PCDHGA9: variants seen among roughly 807,000 people sequenced by gnomAD.
PCDHGA9 encodes the protein protocadherin gamma-A9.
A neutral mutation model predicts 62.5 loss-of-function variants in PCDHGA9; 37 were observed. That is an observed-to-expected ratio of 0.59 (90% CI 0.46 to 0.78). The LOEUF (loss-of-function observed/expected upper bound fraction) is 0.78. Among genes scored for constraint, PCDHGA9 ranks in the 30% least tolerant of loss-of-function variants. The pLI is 0.00. For missense variants in PCDHGA9, 1,138 were observed against 1,166.2 expected (o/e 0.98, Z 0.35); for synonymous variants, 459 against 484.6 (o/e 0.95, Z 0.69).
At chr5:141,428,175 G>A (rs766332920) in intron 1 of PCDHGA9, 20 of 1,508,456 alleles carry the variant, frequency 1.3e-5, no homozygotes, top group Non-Finnish European at 1.8e-5. Flanking sequence ...GTGCGTGACG[G>A]AGGACAGCCG....
Position 141,476,374 on chromosome 5 carries a change from G to A in PCDHGA9, c.2425-18433G>A. 1.2e-6 allele frequency: 2 copies of A among 1,614,178 alleles called. No individual in the cohort carries two copies. Among genetic ancestry groups the A allele is most frequent in the Non-Finnish European group, 1.7e-6 (2 of 1,180,044 alleles). On this transcript the variant is annotated intron_variant, in intron 1 of 3. Transcript: ENST00000573521. This position sits in a 1 kb window ranked among gnomAD's most constrained non-coding sequence, Gnocchi z 7.6. ...AGGTGAACCGGGAGACCGGAGAGATGTTTGTGAACGACCGTCTGGATCGAG... is the reference window on the plus strand; with the variant it reads ...AGGTGAACCGGGAGACCGGAGAGATATTTGTGAACGACCGTCTGGATCGAG...
Position 141,427,654 on chromosome 5 carries a change from TCCACGTGGC to T in PCDHGA9, c.2424+22280_2424+22288del, listed in dbSNP as rs562748605. On this transcript the variant is annotated intron_variant, in intron 1 of 3. Coordinates refer to ENST00000573521, the MANE Select transcript of PCDHGA9 (RefSeq NM_018921.3). ...GTTTTCCACCAAGTCTCCTACGTGG[TCCACGTGGC>T]CGAAAACAACCTTCCCGGAGCCTCC... 2.0e-4 allele frequency: 148 copies of T among 727,622 alleles called. No individual in the cohort carries two copies. The African/African-American group carries it at 2.4e-3, about 12-fold the overall frequency. The allele number at this position is 727,622 out of a possible 1,614,324, so 45.1% of individuals were successfully genotyped here.
In PCDHGA9 at chr5:141,493,664, G is replaced by A. The variant is rs2099749444; in HGVS notation, c.2425-1143G>A. Reference sequence around the variant, plus strand: ...TGGCCATCCCTGTGCCCTTCTCCATGGCAGCCCCAGAATGGTGCTGGTGAC... The same window carrying A: ...TGGCCATCCCTGTGCCCTTCTCCATAGCAGCCCCAGAATGGTGCTGGTGAC... On this transcript the variant is annotated intron_variant, in intron 1 of 3. Coordinates refer to ENST00000573521, the MANE Select transcript of PCDHGA9 (RefSeq NM_018921.3). This position sits in a 1 kb window ranked among gnomAD's most constrained non-coding sequence, Gnocchi z 4.3. Among the ~76,000 whole-genome samples, 1 of 152,136 alleles carries A rather than the reference G, an allele frequency of 6.6e-6. No homozygotes were observed. Among genetic ancestry groups the A allele is most frequent in the Non-Finnish European group, 1.5e-5 (1 of 68,026 alleles).
At chr5:141,498,011 G>A (rs995865984) in intron 2 of PCDHGA9, among the ~76,000 whole-genome samples, 2 of 152,204 alleles carry the variant, frequency 1.3e-5, no homozygotes, top group Non-Finnish European at 2.9e-5. Flanking sequence ...ACAGTGCACT[G>A]AAGGAGACAA....
intron 1 of PCDHGA9, chr5:141,419,345 C>T (rs111954647): frequency 6.2e-6 from 10 of 1,613,858 alleles, no homozygotes; most frequent in African/African-American, 2.7e-5. Flanking sequence ...TGCCAGCGAC[C>T]TGGAGTCACG....
chr5:141,475,008 T>C (rs1292437400), intron 1 of PCDHGA9, among the ~76,000 whole-genome samples: 1 of 152,258 alleles, frequency 6.6e-6, no homozygotes, highest in Admixed American at 6.5e-5. Flanking sequence ...TGCAGAAAAG[T>C]TAAGGCTCTT....
At position 141,402,854 on chromosome 5, in the gene PCDHGA9, C is replaced by A; in HGVS notation, c.-99C>A. ...TGCAGCAAAACTCAGCCTCTTTCTT[C>A]TAAGGAAAAGATCACCATACTTTGC... is the stretch of plus-strand genomic sequence containing the variant. On this transcript the variant is annotated 5_prime_UTR_variant, in exon 1 of 4. Transcript: ENST00000573521. 2 of 1,423,530 alleles carry A rather than the reference C, an allele frequency of 1.4e-6. No homozygotes were observed. The highest frequency in any genetic ancestry group is 1.8e-6 in the Non-Finnish European group (2 of 1,085,128). The allele number at this position is 1,423,530 out of a possible 1,614,324, so 88.2% of individuals were successfully genotyped here. A position where few individuals can be genotyped will look rare whatever the true frequency, so the allele number is the denominator to read the frequency against.
At chr5:141,426,879 G>C (rs1222564201) in intron 1 of PCDHGA9, 3 of 456,710 alleles carry the variant, frequency 6.6e-6, no homozygotes, top group Non-Finnish European at 1.3e-5. Context: ...GAAGCCCCTG[G>C]GCCAGGAGCA....
intron 1 of PCDHGA9, chr5:141,410,107 G>A: frequency 3.1e-6 from 5 of 1,612,702 alleles, no homozygotes; most frequent in Non-Finnish European, 4.2e-6. Flanking sequence ...TAGGCGACAG[G>A]GACGCAGCCC....
At chr5:141,423,926 T>C (rs925790302) in intron 1 of PCDHGA9, 2 of 1,245,276 alleles carry the variant, frequency 1.6e-6, no homozygotes, top group Non-Finnish European at 2.0e-6. Flanking sequence ...CTATGCTGGT[T>C]TGGTTTGAAG....
At chr5:141,449,407 G>A (rs1367837385) in intron 1 of PCDHGA9, among the ~76,000 whole-genome samples, 2 of 151,754 alleles carry the variant, frequency 1.3e-5, no homozygotes, top group Non-Finnish European at 2.9e-5. Flanking sequence ...AGGAGTTCAA[G>A]ACCAGCCTGG....
At position 141,493,904 on chromosome 5, in the gene PCDHGA9, G is replaced by A. The variant is rs1204744465; in HGVS notation, c.2425-903G>A. Among the ~76,000 whole-genome samples, 1 of 152,216 alleles carries A rather than the reference G, an allele frequency of 6.6e-6. No individual in the cohort carries two copies. Among genetic ancestry groups the A allele is most frequent in the Non-Finnish European group, 1.5e-5 (1 of 68,028 alleles). On this transcript the variant is annotated intron_variant, in intron 1 of 3. Transcript: ENST00000573521. The surrounding 1 kb of genome is among the most constrained non-coding windows in gnomAD (Gnocchi z 4.3). ...GGCTCTAGGAGTGCTCCATGAGAGT[G>A]TGTGATGGGATAACACACCCCCTGG...
rs760017836 is a variant in PCDHGA9, at chr5:141,432,060, C to G, written c.2424+26684C>G. 1.2e-6 allele frequency: 2 copies of G among 1,614,200 alleles called. No homozygotes were observed. The highest frequency in any genetic ancestry group is 1.7e-6 in the Non-Finnish European group (2 of 1,180,048). ...GACCGGGGAACCCCGCCCCTATCCACGGAAACTCATATCTCGCTGAACGTG... is the reference window on the plus strand; with the variant it reads ...GACCGGGGAACCCCGCCCCTATCCAGGGAAACTCATATCTCGCTGAACGTG... On this transcript the variant is annotated intron_variant, in intron 1 of 3. Coordinates refer to ENST00000573521, the MANE Select transcript of PCDHGA9 (RefSeq NM_018921.3). The surrounding 1 kb of genome is among the most constrained non-coding windows in gnomAD (Gnocchi z 6.0).
intron 1 of PCDHGA9, among the ~76,000 whole-genome samples, chr5:141,430,388 A>G (rs2097280501): frequency 6.6e-6 from 1 of 152,106 alleles, no homozygotes; most frequent in Non-Finnish European, 1.5e-5. Flanking sequence ...ATTGGGAAAA[A>G]AAAAAAAAGC....
Position 141,491,162 on chromosome 5 carries a change from C to T in PCDHGA9, c.2425-3645C>T. 6.2e-7 allele frequency: 1 copy of T among 1,614,112 alleles called. No homozygotes were observed. Among genetic ancestry groups the T allele is most frequent in the Non-Finnish European group, 8.5e-7 (1 of 1,179,952 alleles). On this transcript the variant is annotated intron_variant, in intron 1 of 3. Coordinates refer to ENST00000573521, the MANE Select transcript of PCDHGA9 (RefSeq NM_018921.3). This position sits in a 1 kb window ranked among gnomAD's most constrained non-coding sequence, Gnocchi z 6.9. ...GCCTTACTGGAGGATGACTCTGACA[C>T]CCAGCAGGTGGTGGTCCTGGTGAGG...
Position 141,478,294 on chromosome 5 carries a change from A to G in PCDHGA9, c.2425-16513A>G, listed in dbSNP as rs147994096. The G allele has an allele frequency of 3.6e-3, 5,805 of 1,614,110 alleles. 30 individuals are homozygous for G. Among genetic ancestry groups the G allele is most frequent in the Non-Finnish European group, 3.4e-3 (4,026 of 1,180,032 alleles). The stretch of plus-strand genomic sequence containing the variant: ...ACAAGTGGAAGCAGTCTAGAGACCT[A>G]TACCGAGCCCCGGTGAGCTCACTGT... On this transcript the variant is annotated intron_variant, in intron 1 of 3. Coordinates refer to ENST00000573521, the MANE Select transcript of PCDHGA9 (RefSeq NM_018921.3).
At chr5:141,496,602 C>A (rs981108050) in intron 2 of PCDHGA9, among the ~76,000 whole-genome samples, 5 of 152,150 alleles carry the variant, frequency 3.3e-5, no homozygotes, top group Admixed American at 1.3e-4. Flanking sequence ...TCTTAGAAGG[C>A]CCCTAAAAAG....
At chr5:141,412,189 T>C (rs560869081) in intron 1 of PCDHGA9, 21 of 152,370 alleles carry the variant, frequency 1.4e-4, no homozygotes, top group Admixed American at 1.2e-3. Context: ...AATGCTCTGA[T>C]GAAAACAGGT....
intron 1 of PCDHGA9, chr5:141,428,862 T>TC (rs1345604550): frequency 2.7e-5 from 2 of 74,856 alleles, no homozygotes; most frequent in African/African-American, 2.0e-4. Flanking sequence ...ACGGGAGACT[T>TC]TTTTTTTTTT....
Sources: allele counts gnomAD v4.1 joint callset (sites outside exome capture counted in the v4.1 genomes callset), GRCh38; gene constraint gnomAD v4.1.1; non-coding constraint Gnocchi (gnomAD v3.1); transcripts MANE v1.5; gene names NCBI Gene and HGNC (gene_info 2026-07-23, HGNC 2026-07-21).